The following PAK1 variants were observed in gnomAD, a reference collection of about 807,000 sequenced individuals.
PAK1 encodes the protein serine/threonine-protein kinase PAK 1.
A neutral mutation model predicts 67.4 loss-of-function variants in PAK1; 29 were observed. The observed-to-expected ratio is 0.43, with a 90% CI of 0.32 to 0.59. PAK1 has a LOEUF of 0.59. Among genes scored for constraint, PAK1 ranks in the 20% least tolerant of loss-of-function variants. The probability of loss-of-function intolerance (pLI) is 0.07; values close to 1 mark genes in which losing one functional copy is unlikely to be tolerated. For missense variants in PAK1, 337 were observed against 670.7 expected (o/e 0.50, Z 5.50); for synonymous variants, 223 against 237.4 (o/e 0.94, Z 0.56).
intron 1 of PAK1, among the ~76,000 whole-genome samples, chr11:77,449,013 G>A (rs1332366086): frequency 1.3e-5 from 2 of 152,226 alleles, no homozygotes; most frequent in African/African-American, 2.4e-5. Flanking sequence ...GAATATTAAT[G>A]ATATACAGGG....
intron 11 of PAK1, among the ~76,000 whole-genome samples, 184 bp downstream of exon 11, chr11:77,340,462 T>TA (rs150792135): frequency 2.7e-4 from 41 of 149,938 alleles, no homozygotes; most frequent in South Asian, 4.2e-4. Context: ...AAGTTATCGT[T>TA]AAAAAAAAAA....
chr11:77,399,978 A>C (rs1952444901), intron 1 of PAK1, among the ~76,000 whole-genome samples: 1 of 151,814 alleles, frequency 6.6e-6, no homozygotes, highest in South Asian at 2.1e-4. Context: ...ATGGTAGGAG[A>C]ATCTAGGTGG....
chr11:77,446,495 C>G (rs10793248), intron 1 of PAK1, among the ~76,000 whole-genome samples: 99,295 of 140,788 alleles, frequency 0.71, 35,225 homozygotes, highest in African/African-American at 0.84. Flanking sequence ...CTGAGTGAAA[C>G]AGCGAGACCC....
At chr11:77,506,573 T>C in the PAK1 span, among the ~76,000 whole-genome samples, 2 of 152,068 alleles carry the variant, frequency 1.3e-5, no homozygotes, top group Non-Finnish European at 2.9e-5. Context: ...GTATGGAGAA[T>C]GACAGGCAGG....
At position 77,323,095 on chromosome 11, in the gene PAK1, A is replaced by C. The variant is rs1385037492; in HGVS notation, c.*179T>G. The C allele has an allele frequency of 1.5e-5, 16 of 1,096,084 alleles. 1 individual carries two copies. The South Asian group carries it at 2.1e-4, about 15-fold the overall frequency. The allele number at this position is 1,096,084 out of a possible 1,614,324, so 67.9% of individuals were successfully genotyped here. On this transcript the variant is annotated 3_prime_UTR_variant, in exon 15 of 15. Coordinates refer to ENST00000356341, the MANE Select transcript of PAK1 (RefSeq NM_002576.5). ...ATGGCCATCATCTGATTAGTCATTCAGTTGCAGTTCTCTTCAATGCTGGAC... is the reference window on the plus strand; with the variant it reads ...ATGGCCATCATCTGATTAGTCATTCCGTTGCAGTTCTCTTCAATGCTGGAC...
chr11:77,528,962 G>T, the PAK1 span, among the ~76,000 whole-genome samples: 4 of 152,134 alleles, frequency 2.6e-5, no homozygotes, highest in African/African-American at 9.7e-5. Flanking sequence ...ATAATGCAAA[G>T]GTGGTACAGT....
intron 5 of PAK1, among the ~76,000 whole-genome samples, chr11:77,369,479 G>A (rs1223800725): frequency 1.8e-5 from 2 of 111,988 alleles, no homozygotes; most frequent in African/African-American, 3.5e-5. Context: ...ATGGAGTCTC[G>A]CTTCGTCACC....
intron 1 of PAK1, among the ~76,000 whole-genome samples, chr11:77,440,060 A>G (rs1956287613): frequency 6.6e-6 from 1 of 152,234 alleles, no homozygotes; most frequent in Admixed American, 6.5e-5. Flanking sequence ...CTCCACAGGT[A>G]ACGTTGGACC....
intron 1 of PAK1, among the ~76,000 whole-genome samples, chr11:77,393,595 C>G (rs956023145): frequency 6.6e-6 from 1 of 152,232 alleles, no homozygotes; most frequent in African/African-American, 2.4e-5. Flanking sequence ...CTGTGCTTGG[C>G]TTTCTTCTTC....
At chr11:77,332,909 G>T in intron 13 of PAK1, 42 bp from the exon 14 acceptor site, 1 of 1,595,178 alleles carries the variant, frequency 6.3e-7, no homozygotes. Context: ...TCCAAATGAG[G>T]CTCTCTCTTG....
intron 1 of PAK1, among the ~76,000 whole-genome samples, chr11:77,418,827 G>T (rs917091156): frequency 1.8e-4 from 27 of 152,144 alleles, no homozygotes; most frequent in Non-Finnish European, 5.9e-5. Context: ...ACGTCTCCAG[G>T]AAATCACCAC....
chr11:77,383,311 G>A (rs1243350290), intron 2 of PAK1, among the ~76,000 whole-genome samples: 1 of 151,380 alleles, frequency 6.6e-6, no homozygotes, highest in African/African-American at 2.4e-5. Context: ...TTTAGCTTGG[G>A]TACTGTGTAA....
rs545271081 is a variant in PAK1 at position 77,327,036 on chromosome 11, G to A, written c.1552-3676C>T. Among the ~76,000 whole-genome samples the A allele has an allele frequency of 2.0e-4, 30 of 152,300 alleles. No homozygotes were observed. The South Asian group carries it at 6.0e-3, about 31-fold the overall frequency. On this transcript the variant is annotated intron_variant, in intron 14 of 14. Coordinates refer to ENST00000356341, the MANE Select transcript of PAK1 (RefSeq NM_002576.5). The stretch of plus-strand genomic sequence containing the variant: ...ATCAACTGGAAGAAAGGGTATCAGT[G>A]ATGGAAGACGAAATGAATGAAATGA...
chr11:77,523,236 T>A, the PAK1 span, among the ~76,000 whole-genome samples: 19,195 of 151,868 alleles, frequency 0.13, 1,340 homozygotes, highest in Middle Eastern at 0.17. Context: ...AGTTGAAAAA[T>A]TTTTTAAAAG....
intron 13 of PAK1, among the ~76,000 whole-genome samples, chr11:77,334,254 C>A (rs1025063236): frequency 2.0e-5 from 3 of 152,014 alleles, no homozygotes; most frequent in African/African-American, 7.2e-5. Context: ...CATATCCCAG[C>A]AATTATCATC....
the PAK1 span, among the ~76,000 whole-genome samples, chr11:77,515,952 G>A: frequency 3.9e-5 from 6 of 152,138 alleles, no homozygotes; most frequent in Non-Finnish European, 5.9e-5. Flanking sequence ...AATGCTGCAC[G>A]TCTAGTGGAA....
intron 5 of PAK1, among the ~76,000 whole-genome samples, chr11:77,367,184 A>G (rs143715718): frequency 8.1e-4 from 124 of 152,332 alleles, no homozygotes; most frequent in African/African-American, 2.9e-3. Flanking sequence ...AGGGCTGAGC[A>G]TGGGAGTTTG....
At chr11:77,391,107 G>A (rs749128680) in intron 2 of PAK1, among the ~76,000 whole-genome samples, 3 of 152,026 alleles carry the variant, frequency 2.0e-5, no homozygotes, top group Non-Finnish European at 2.9e-5. Context: ...CCCCTGATCC[G>A]TAGTTAGGCA....
the PAK1 span, among the ~76,000 whole-genome samples, chr11:77,494,233 G>A: frequency 1.3e-5 from 2 of 152,162 alleles, no homozygotes; most frequent in African/African-American, 4.8e-5. Flanking sequence ...TCTGCTGATA[G>A]GTGAATAAGT....
Sources: allele counts gnomAD v4.1 joint callset (sites outside exome capture counted in the v4.1 genomes callset), GRCh38; gene constraint gnomAD v4.1.1; transcripts MANE v1.5; gene names NCBI Gene and HGNC (gene_info 2026-07-23, HGNC 2026-07-21).